EXOC2: variants seen among roughly 807,000 people sequenced by gnomAD.
EXOC2 encodes the protein exocyst complex component 2.
EXOC2 carries 70 observed loss-of-function variants against 131.8 expected under a neutral mutation model. The observed-to-expected ratio is 0.53, with a 90% CI of 0.44 to 0.65. EXOC2 has a LOEUF of 0.65. Among genes scored for constraint, EXOC2 ranks in the 30% least tolerant of loss-of-function variants. EXOC2 has a pLI of 0.00. For missense variants in EXOC2, 923 were observed against 1,108.6 expected (o/e 0.83, Z 2.38); for synonymous variants, 411 against 398.4 (o/e 1.03, Z -0.38).
intron 21 of EXOC2, among the ~76,000 whole-genome samples, chr6:550,122 G>C (rs76106774): frequency 0.017 from 2,534 of 152,370 alleles, 44 homozygotes; most frequent in African/African-American, 0.042. Context: ...CCGCAGGCAG[G>C]CGGGCCTTCT....
intron 21 of EXOC2, among the ~76,000 whole-genome samples, chr6:551,567 C>T (rs1203808000): frequency 6.6e-6 from 1 of 152,144 alleles, no homozygotes; most frequent in Admixed American, 6.5e-5. Context: ...TTGTGCTCCA[C>T]CCACTGGAAG....
chr6:579,825 T>C (rs554162232), intron 11 of EXOC2, among the ~76,000 whole-genome samples: 1 of 152,218 alleles, frequency 6.6e-6, no homozygotes, highest in African/African-American at 2.4e-5. Flanking sequence ...AACTTACTAT[T>C]TCTGACTCAC....
rs538767084 is a variant in EXOC2 at position 673,829 on chromosome 6, G to A, written c.-44+19190C>T. ...ATTGCAAGAAATACCAAAATGTGAC[G>A]CAGAGACATGAAGTGAGCACATGCT... On this transcript the variant is annotated intron_variant, in intron 1 of 27. Coordinates refer to ENST00000230449, the MANE Select transcript of EXOC2 (RefSeq NM_018303.6). Among the ~76,000 whole-genome samples the A allele has an allele frequency of 5.9e-5, 9 of 152,248 alleles. No homozygotes were observed. In the East Asian group the frequency reaches 9.6e-4, roughly 16 times the overall value.
In EXOC2 at chr6:605,004, G is replaced by A. The variant is rs562478834; in HGVS notation, c.742+5094C>T. 1.2e-4 allele frequency among the ~76,000 whole-genome samples: 18 copies of A among 152,148 alleles called. No individual in the cohort carries two copies. In the South Asian group the frequency reaches 2.7e-3, roughly 23 times the overall value. ...TTATCAAACCATCATTTGATCACCT[G>A]AATATGTGTATTTTCCATTCAGTTA... On this transcript the variant is annotated intron_variant, in intron 7 of 27. Coordinates refer to ENST00000230449, the MANE Select transcript of EXOC2 (RefSeq NM_018303.6).
At chr6:515,282 A>C (rs907012290) in intron 23 of EXOC2, among the ~76,000 whole-genome samples, 1 of 152,150 alleles carries the variant, frequency 6.6e-6, no homozygotes, top group African/African-American at 2.4e-5. Context: ...CGCAAACAAA[A>C]CCAGGAAGGT....
chr6:680,075 GCATAAGGAACCTC>G (rs1300165400), intron 1 of EXOC2, among the ~76,000 whole-genome samples: 1 of 151,916 alleles, frequency 6.6e-6, no homozygotes, highest in African/African-American at 2.4e-5. Flanking sequence ...AGAGAGACTA[GCATAAGGAACCTC>G]CAAGTTCCCA....
intron 1 of EXOC2, among the ~76,000 whole-genome samples, chr6:644,248 T>C (rs767283627): frequency 6.6e-6 from 1 of 152,138 alleles, no homozygotes; most frequent in African/African-American, 2.4e-5. Context: ...AAAAACCGTA[T>C]GTTACCCTAA....
At chr6:567,167 C>T (rs1326099442) in intron 13 of EXOC2, among the ~76,000 whole-genome samples, 13 of 152,226 alleles carry the variant, frequency 8.5e-5, no homozygotes, top group African/African-American at 2.2e-4. Flanking sequence ...GTCTGTTCCC[C>T]GCCCCATGGC....
chr6:566,487 C>A (rs1431228299), intron 13 of EXOC2, among the ~76,000 whole-genome samples: 1 of 152,148 alleles, frequency 6.6e-6, no homozygotes, highest in Non-Finnish European at 1.5e-5. Flanking sequence ...CAGAGGGACC[C>A]CCACCTAACG....
intron 7 of EXOC2, among the ~76,000 whole-genome samples, chr6:607,675 T>G (rs1263504020): frequency 6.6e-6 from 1 of 152,260 alleles, no homozygotes; most frequent in Non-Finnish European, 1.5e-5. Context: ...ATTTTCATCA[T>G]TGCAGAAATT....
intron 21 of EXOC2, among the ~76,000 whole-genome samples, chr6:551,404 T>C (rs1382106823): frequency 6.6e-6 from 1 of 152,116 alleles, no homozygotes; most frequent in Non-Finnish European, 1.5e-5. Context: ...GGAACTGAAT[T>C]TGGTCACAAA....
chr6:627,921 T>C (rs559272056), intron 4 of EXOC2, among the ~76,000 whole-genome samples: 33 of 152,378 alleles, frequency 2.2e-4, no homozygotes, highest in Non-Finnish European at 3.5e-4. Flanking sequence ...GAAGTACTTA[T>C]TGGATAAATG....
intron 26 of EXOC2, among the ~76,000 whole-genome samples, chr6:490,815 A>G (rs1763385868): frequency 6.6e-6 from 1 of 152,266 alleles, no homozygotes; most frequent in Non-Finnish European, 1.5e-5. Flanking sequence ...ACTGATATTT[A>G]CAGCACTTGA....
intron 1 of EXOC2, among the ~76,000 whole-genome samples, chr6:654,803 CAAAAAAAAAAAAAAAAAA>C (rs66637987): frequency 0.075 from 2,223 of 29,736 alleles, 163 homozygotes; most frequent in African/African-American, 0.19. Context: ...GACCCTGTCT[CAAAAAAAAAAAAAAAAAA>C]AAAAAAAAAA....
chr6:558,733 A>C (rs1203765257), intron 17 of EXOC2, among the ~76,000 whole-genome samples: 1 of 152,160 alleles, frequency 6.6e-6, no homozygotes, highest in African/African-American at 2.4e-5. Flanking sequence ...GAATCACTTG[A>C]ACCAGGGAGG....
chr6:487,555 C>T (rs1303286769), intron 27 of EXOC2, among the ~76,000 whole-genome samples: 3 of 152,022 alleles, frequency 2.0e-5, no homozygotes, highest in East Asian at 1.9e-4. Flanking sequence ...TACAGGTGCC[C>T]GCCACCACAC....
At chr6:660,565 C>A (rs1213498689) in intron 1 of EXOC2, among the ~76,000 whole-genome samples, 1 of 152,236 alleles carries the variant, frequency 6.6e-6, no homozygotes, top group Non-Finnish European at 1.5e-5. Flanking sequence ...ATCTTGCAGT[C>A]TGGCTCACAG....
chr6:617,567 A>T, intron 6 of EXOC2, 144 bp downstream of exon 6: 1 of 1,171,324 alleles, frequency 8.5e-7, no homozygotes, highest in Non-Finnish European at 1.2e-6. Flanking sequence ...ATGCCAGCCT[A>T]CTCTGCAACA....
intron 5 of EXOC2, 65 bp from the exon 6 acceptor site, chr6:617,900 T>C: frequency 6.4e-7 from 1 of 1,563,068 alleles, no homozygotes. Flanking sequence ...AAATAATTCC[T>C]TCAGTGGAGA....
Sources: allele counts gnomAD v4.1 joint callset (sites outside exome capture counted in the v4.1 genomes callset), GRCh38; gene constraint gnomAD v4.1.1; transcripts MANE v1.5; gene names NCBI Gene and HGNC (gene_info 2026-07-23, HGNC 2026-07-21).